ANO3: variants seen among roughly 807,000 people sequenced by gnomAD.
ANO3 encodes the protein anoctamin 3, also known as anoctamin-3.
A neutral mutation model predicts 144.8 loss-of-function variants in ANO3; 99 were observed. The ratio of observed to expected loss-of-function variants is 0.68; its 90% CI spans 0.58 to 0.81. ANO3 has a LOEUF of 0.81. Among genes scored for constraint, ANO3 ranks in the 30% least tolerant of loss-of-function variants. The pLI, the probability that ANO3 is intolerant of heterozygous loss-of-function variation, is 0.00. For synonymous variants in ANO3, 414 were observed against 392.6 expected (o/e 1.05, Z -0.64); for missense variants, 905 against 1,202.2 (o/e 0.75, Z 3.66).
intron 1 of ANO3, among the ~76,000 whole-genome samples, chr11:26,375,280 G>A (rs1283501878): frequency 6.6e-6 from 1 of 152,124 alleles, no homozygotes; most frequent in African/African-American, 2.4e-5. Context: ...CTGACAGGAG[G>A]TGGAGCTCAG....
At chr11:26,564,820 A>C (rs1445372479) in intron 14 of ANO3, among the ~76,000 whole-genome samples, 2 of 131,660 alleles carry the variant, frequency 1.5e-5, no homozygotes, top group Non-Finnish European at 1.6e-5. Context: ...GAGCATGTGA[A>C]ATTTCAGGTA....
chr11:26,549,361 A>C (rs1398084605), intron 12 of ANO3, among the ~76,000 whole-genome samples: 2 of 151,984 alleles, frequency 1.3e-5, no homozygotes, highest in Non-Finnish European at 2.9e-5. Context: ...TTGACTGAAA[A>C]TTTGGGGACT....
At chr11:26,193,692 C>T (rs1006274950) in intron 1 of ANO3, among the ~76,000 whole-genome samples, 2 of 152,042 alleles carry the variant, frequency 1.3e-5, no homozygotes, top group African/African-American at 4.8e-5. Context: ...TATTTTTTTA[C>T]AATTCATAAA....
intron 14 of ANO3, among the ~76,000 whole-genome samples, chr11:26,593,029 T>C (rs866065029): frequency 6.6e-6 from 1 of 152,194 alleles, no homozygotes; most frequent in Non-Finnish European, 1.5e-5. Flanking sequence ...TGCTTGGTGG[T>C]TCCCTTCTAT....
At chr11:26,605,902 AT>A (rs1280666336) in intron 17 of ANO3, among the ~76,000 whole-genome samples, 1 of 150,910 alleles carries the variant, frequency 6.6e-6, no homozygotes, top group Non-Finnish European at 1.5e-5. Flanking sequence ...GGATTCATTC[AT>A]TTTTTTGAAG....
intron 14 of ANO3, among the ~76,000 whole-genome samples, chr11:26,575,073 A>C (rs1250245027): frequency 1.3e-5 from 2 of 152,076 alleles, no homozygotes; most frequent in African/African-American, 4.8e-5. Context: ...TTGCATTTCT[A>C]TCTATATATT....
chr11:26,604,059 T>G (rs564606618), intron 17 of ANO3, among the ~76,000 whole-genome samples: 1 of 148,702 alleles, frequency 6.7e-6, no homozygotes, highest in East Asian at 1.9e-4. Flanking sequence ...TTATTCTATC[T>G]AATTATAATT....
chr11:26,335,555 C>A (rs915626297), intron 1 of ANO3, among the ~76,000 whole-genome samples: 2 of 152,088 alleles, frequency 1.3e-5, no homozygotes, highest in African/African-American at 4.8e-5. Flanking sequence ...AGGAAAACTT[C>A]CAAAAAATTC....
chr11:26,375,857 G>T (rs139892742), intron 1 of ANO3, among the ~76,000 whole-genome samples: 1 of 152,080 alleles, frequency 6.6e-6, no homozygotes, highest in African/African-American at 2.4e-5. Context: ...AGCAGCAGCA[G>T]CAACAACAAC....
chr11:26,445,081 G>T (rs1858655857), intron 3 of ANO3, among the ~76,000 whole-genome samples: 1 of 152,044 alleles, frequency 6.6e-6, no homozygotes, highest in Non-Finnish European at 1.5e-5. Flanking sequence ...TAGAATATTT[G>T]TATTATATAC....
intron 5 of ANO3, among the ~76,000 whole-genome samples, chr11:26,509,115 A>C (rs891547999): frequency 6.0e-5 from 9 of 150,894 alleles, no homozygotes; most frequent in African/African-American, 1.9e-4. Flanking sequence ...CTATATATAT[A>C]TATATATTAT....
At chr11:26,637,106 A>G (rs540855843) in intron 20 of ANO3, among the ~76,000 whole-genome samples, 1 of 152,296 alleles carries the variant, frequency 6.6e-6, no homozygotes, top group African/African-American at 2.4e-5. Context: ...TAGAGTTTTG[A>G]TAGACTGGCT....
chr11:26,509,431 G>A (rs2134139104), intron 5 of ANO3, among the ~76,000 whole-genome samples: 1 of 152,020 alleles, frequency 6.6e-6, no homozygotes, highest in Non-Finnish European at 1.5e-5. Flanking sequence ...TTCTGCCTCA[G>A]CCTCCCAAGT....
intron 1 of ANO3, among the ~76,000 whole-genome samples, chr11:26,252,821 T>G (rs770076797): frequency 2.0e-5 from 3 of 152,206 alleles, no homozygotes; most frequent in Non-Finnish European, 4.4e-5. Flanking sequence ...GTCTAAAGTA[T>G]GAACAAAATT....
Position 26,639,093 on chromosome 11 carries a change from G to T in ANO3, c.2044-51G>T, listed in dbSNP as rs770759450. 14 of 1,254,870 alleles carry T rather than the reference G, an allele frequency of 1.1e-5. No individual in the cohort carries two copies. The Admixed American group carries it at 2.0e-4, about 18-fold the overall frequency. The allele number at this position is 1,254,870 out of a possible 1,614,324, so 77.7% of individuals were successfully genotyped here. A position where few individuals can be genotyped will look rare whatever the true frequency, so the allele number is the denominator to read the frequency against. ...ACAATTTAATGGTGGGCATGTCTGA[G>T]CCTACTGGGAAGAAGACCAATATCA... is the stretch of plus-strand genomic sequence containing the variant. On this transcript the variant is annotated intron_variant, in intron 20 of 26. Coordinates refer to ENST00000256737, the MANE Select transcript of ANO3 (RefSeq NM_031418.4).
intron 17 of ANO3, among the ~76,000 whole-genome samples, chr11:26,607,069 T>A (rs561403330): frequency 6.6e-6 from 1 of 152,326 alleles, no homozygotes; most frequent in African/African-American, 2.4e-5. Flanking sequence ...TGATATTATA[T>A]GAAATTGTTT....
intron 11 of ANO3, among the ~76,000 whole-genome samples, chr11:26,547,154 T>G (rs1370826686): frequency 2.6e-5 from 4 of 151,738 alleles, no homozygotes; most frequent in Non-Finnish European, 5.9e-5. Flanking sequence ...AAAAGCCAGG[T>G]TTATGAGCAT....
rs189515406 is a variant in ANO3 at position 26,372,882 on chromosome 11, C to A, written c.46+40561C>A. On this transcript the variant is annotated intron_variant, in intron 1 of 26. Transcript: ENST00000256737. ...ACATTTATATTCATATTATAAACAT[C>A]AGATTTTTCAAACATGTTGTGTGGA... is the stretch of plus-strand genomic sequence containing the variant. Among the ~76,000 whole-genome samples the A allele has an allele frequency of 5.4e-3, 827 of 151,904 alleles. 3 individuals are homozygous for A. The highest frequency in any genetic ancestry group is 9.2e-3 in the Non-Finnish European group (625 of 67,986).
chr11:26,566,632 G>T (rs1160088997), intron 14 of ANO3, among the ~76,000 whole-genome samples: 1 of 151,918 alleles, frequency 6.6e-6, no homozygotes, highest in African/African-American at 2.4e-5. Flanking sequence ...TTTTATAAAA[G>T]AAGAATATGG....
Sources: allele counts gnomAD v4.1 joint callset (sites outside exome capture counted in the v4.1 genomes callset), GRCh38; gene constraint gnomAD v4.1.1; transcripts MANE v1.5; gene names NCBI Gene and HGNC (gene_info 2026-07-23, HGNC 2026-07-21).